The following ROBO2 variants were observed in gnomAD, a reference collection of about 807,000 sequenced individuals.
ROBO2 encodes roundabout guidance receptor 2, also known as roundabout homolog 2.
ROBO2 carries 53 observed loss-of-function variants against 160.8 expected under a neutral mutation model. The observed-to-expected ratio is 0.33, with a 90% CI of 0.26 to 0.41. The LOEUF (loss-of-function observed/expected upper bound fraction) is 0.41, where lower values mean the gene tolerates loss of function less well. Among genes scored for constraint, ROBO2 ranks in the 10% least tolerant of loss-of-function variants. The pLI, the probability that ROBO2 is intolerant of heterozygous loss-of-function variation, is 1.00. For synonymous variants in ROBO2, 664 were observed against 611.7 expected, an observed-to-expected ratio of 1.09 and a Z score of -1.26; for missense variants, 1,577 against 1,722.4, an observed-to-expected ratio of 0.92 and a Z score of 1.49.
chr3:77,548,595 T>G (rs2092792971), intron 7 of ROBO2, among the ~76,000 whole-genome samples: 1 of 152,102 alleles, frequency 6.6e-6, no homozygotes, highest in Non-Finnish European at 1.5e-5. Context: ...ATGCTACATC[T>G]TTGTTAATGG....
chr3:77,585,084 G>A (rs189083379), intron 16 of ROBO2, among the ~76,000 whole-genome samples: 11 of 150,982 alleles, frequency 7.3e-5, no homozygotes, highest in Admixed American at 4.0e-4. Flanking sequence ...TCTAAGTGAA[G>A]GATAACTAAG....
intron 2 of ROBO2, among the ~76,000 whole-genome samples, chr3:76,815,832 A>G (rs1359716768): frequency 6.6e-6 from 1 of 152,044 alleles, no homozygotes; most frequent in Admixed American, 6.6e-5. Flanking sequence ...ACTCATATTT[A>G]GTAATTACTT....
At chr3:77,557,970 A>C (rs757168947) in exon 9 of ROBO2, 1 of 1,612,954 alleles carries the variant, frequency 6.2e-7, no homozygotes, top group African/African-American at 1.3e-5. Context: ...TCCACCTATA[A>C]TTCTACAAGG....
intron 2 of ROBO2, among the ~76,000 whole-genome samples, chr3:76,194,881 G>A (rs1362385314): frequency 6.6e-6 from 1 of 152,172 alleles, no homozygotes; most frequent in Non-Finnish European, 1.5e-5. Context: ...GTCTCTCAAA[G>A]TTCTGGGATT....
intron 2 of ROBO2, among the ~76,000 whole-genome samples, chr3:76,944,160 G>C (rs946832973): frequency 6.6e-6 from 1 of 151,704 alleles, no homozygotes; most frequent in African/African-American, 2.4e-5. Context: ...TTGTATTATT[G>C]TGAATAATAA....
chr3:77,077,074 A>G (rs2068091457), intron 1 of ROBO2, among the ~76,000 whole-genome samples: 1 of 152,176 alleles, frequency 6.6e-6, no homozygotes, highest in South Asian at 2.1e-4. Flanking sequence ...TGAAATAGAT[A>G]TTCTTGCCTT....
intron 6 of ROBO2, among the ~76,000 whole-genome samples, chr3:77,528,380 T>G (rs191169622): frequency 4.7e-4 from 71 of 151,772 alleles, no homozygotes; most frequent in African/African-American, 1.7e-3. Context: ...ATGTACCAGC[T>G]TGACATCATT....
At chr3:76,820,206 C>T (rs944923850) in intron 2 of ROBO2, among the ~76,000 whole-genome samples, 4 of 152,018 alleles carry the variant, frequency 2.6e-5, no homozygotes, top group South Asian at 2.1e-4. Flanking sequence ...AAATCACCAC[C>T]TCTGGCATTC....
At chr3:76,828,742 G>T (rs750094527) in intron 2 of ROBO2, among the ~76,000 whole-genome samples, 2 of 151,908 alleles carry the variant, frequency 1.3e-5, no homozygotes, top group Admixed American at 1.3e-4. Flanking sequence ...AGCATACCTG[G>T]TCCCTTGATA....
chr3:76,010,640 T>A (rs1363154799), intron 2 of ROBO2, among the ~76,000 whole-genome samples: 2 of 152,220 alleles, frequency 1.3e-5, no homozygotes. Context: ...ACCTTGAATG[T>A]GAATATGTCC....
At chr3:76,881,727 A>C (rs1335287916) in intron 2 of ROBO2, among the ~76,000 whole-genome samples, 1 of 152,254 alleles carries the variant, frequency 6.6e-6, no homozygotes, top group East Asian at 1.9e-4. Flanking sequence ...CAAAATGCTT[A>C]TTTAGATCTC....
chr3:77,299,950 T>G (rs910229712), intron 2 of ROBO2, among the ~76,000 whole-genome samples: 1 of 152,000 alleles, frequency 6.6e-6, no homozygotes, highest in Non-Finnish European at 1.5e-5. Context: ...TGAAAATCAA[T>G]ATGGGATTCA....
intron 2 of ROBO2, among the ~76,000 whole-genome samples, chr3:76,039,510 CTCT>C (rs1358719368): frequency 3.3e-5 from 5 of 151,702 alleles, no homozygotes; most frequent in Admixed American, 1.3e-4. Flanking sequence ...TTTTTCTACT[CTCT>C]TAAGAAAAAA....
intron 2 of ROBO2, among the ~76,000 whole-genome samples, chr3:76,802,519 G>A (rs2064289589): frequency 6.6e-6 from 1 of 152,018 alleles, no homozygotes; most frequent in South Asian, 2.1e-4. Context: ...ACAAAGTCAG[G>A]AGATTGAGAC....
intron 2 of ROBO2, among the ~76,000 whole-genome samples, chr3:76,059,561 G>A (rs561626923): frequency 6.6e-6 from 1 of 152,248 alleles, no homozygotes; most frequent in East Asian, 1.9e-4. Context: ...CCCTTTGTCA[G>A]ATGAGTAGGT....
chr3:75,945,996 C>T (rs1948275665), intron 2 of ROBO2, among the ~76,000 whole-genome samples: 1 of 152,056 alleles, frequency 6.6e-6, no homozygotes, highest in Non-Finnish European at 1.5e-5. Context: ...GGCTTCAAGT[C>T]TTGGGAACTA....
intron 2 of ROBO2, among the ~76,000 whole-genome samples, chr3:77,103,383 G>A (rs1303995960): frequency 6.6e-6 from 1 of 150,712 alleles, no homozygotes; most frequent in Admixed American, 6.6e-5. Flanking sequence ...TGGTTCAAAG[G>A]TCAGGGGTCA....
chr3:76,083,233 C>A (rs2068893881), intron 2 of ROBO2, among the ~76,000 whole-genome samples: 1 of 151,922 alleles, frequency 6.6e-6, no homozygotes, highest in African/African-American at 2.4e-5. Flanking sequence ...ATATATAAAT[C>A]ATTAAAAATT....
intron 2 of ROBO2, among the ~76,000 whole-genome samples, chr3:76,045,853 C>T (rs1433064732): frequency 1.3e-5 from 2 of 151,866 alleles, no homozygotes; most frequent in Admixed American, 1.3e-4. Context: ...AAGGCTTGAG[C>T]CATTTTTCAG....
Sources: allele counts gnomAD v4.1 joint callset (sites outside exome capture counted in the v4.1 genomes callset), GRCh38; gene constraint gnomAD v4.1.1; transcripts MANE v1.5; gene names NCBI Gene and HGNC (gene_info 2026-07-23, HGNC 2026-07-21).